FAF1: variants seen among roughly 807,000 people sequenced by gnomAD.
The protein encoded by FAF1 is Fas associated factor 1.
Under a neutral mutation model 92.5 loss-of-function variants are expected in FAF1, and 25 were observed. The ratio of observed to expected loss-of-function variants is 0.27; its 90% confidence interval spans 0.20 to 0.38. The LOEUF (loss-of-function observed/expected upper bound fraction) is 0.38. Ranked by LOEUF, FAF1 falls within the 10% of genes least tolerant of loss-of-function variation. FAF1 has a pLI of 1.00. For missense variants in FAF1, 636 were observed against 793.3 expected, an observed-to-expected ratio of 0.80 and a Z score of 2.38; for synonymous variants, 234 against 273.2, an observed-to-expected ratio of 0.86 and a Z score of 1.42.
intron 5 of FAF1, among the ~76,000 whole-genome samples, chr1:50,741,495 T>C (rs1237237121): frequency 1.3e-5 from 2 of 152,204 alleles, no homozygotes; most frequent in East Asian, 3.8e-4. Flanking sequence ...TATAATTCAA[T>C]TTATGTTTTT....
At chr1:50,909,077 C>T (rs1248933806) in intron 1 of FAF1, among the ~76,000 whole-genome samples, 1 of 152,164 alleles carries the variant, frequency 6.6e-6, no homozygotes, top group Non-Finnish European at 1.5e-5. Context: ...CTGGTGGTAA[C>T]AAAATCTCTC....
chr1:50,820,399 A>T (rs1003655993), intron 2 of FAF1, among the ~76,000 whole-genome samples: 5 of 152,138 alleles, frequency 3.3e-5, no homozygotes, highest in Admixed American at 1.3e-4. Context: ...TGATGATTTG[A>T]TATATGTATA....
chr1:50,835,816 A>T (rs1007076180), intron 2 of FAF1, among the ~76,000 whole-genome samples: 1 of 152,128 alleles, frequency 6.6e-6, no homozygotes, highest in Non-Finnish European at 1.5e-5. Flanking sequence ...TAATTGTAGG[A>T]TGGCTTCCAG....
intron 6 of FAF1, among the ~76,000 whole-genome samples, chr1:50,714,673 A>G (rs1658099880): frequency 6.6e-6 from 1 of 152,184 alleles, no homozygotes; most frequent in Non-Finnish European, 1.5e-5. Flanking sequence ...AGTCCCAGCC[A>G]CTCAAGAGAC....
At chr1:50,486,974 T>G (rs1286112691) in intron 17 of FAF1, among the ~76,000 whole-genome samples, 1 of 152,104 alleles carries the variant, frequency 6.6e-6, no homozygotes, top group Non-Finnish European at 1.5e-5. Context: ...AATGTAGTAT[T>G]TGGGCCTTTG....
chr1:50,553,998 A>G (rs1426224303), intron 13 of FAF1, among the ~76,000 whole-genome samples: 1 of 151,946 alleles, frequency 6.6e-6, no homozygotes, highest in Non-Finnish European at 1.5e-5. Flanking sequence ...ATAGAAAAAA[A>G]GGCCTGGGTG....
intron 14 of FAF1, among the ~76,000 whole-genome samples, chr1:50,537,883 A>G (rs1249647515): frequency 6.6e-6 from 1 of 152,180 alleles, no homozygotes; most frequent in Admixed American, 6.6e-5. Flanking sequence ...GTTCTTTGAT[A>G]ATACACTTAA....
intron 3 of FAF1, among the ~76,000 whole-genome samples, chr1:50,794,397 C>T (rs1391113192): frequency 6.6e-6 from 1 of 152,186 alleles, no homozygotes; most frequent in Non-Finnish European, 1.5e-5. Context: ...GAAAGAAAAG[C>T]CCCCCACTGG....
chr1:50,955,643 T>C (rs1295728128), intron 1 of FAF1, among the ~76,000 whole-genome samples: 1 of 152,190 alleles, frequency 6.6e-6, no homozygotes, highest in Non-Finnish European at 1.5e-5. Flanking sequence ...TGGGTATATA[T>C]GCAAAAGAAT....
chr1:50,694,846 C>T (rs1657117333), intron 7 of FAF1, among the ~76,000 whole-genome samples: 1 of 151,144 alleles, frequency 6.6e-6, no homozygotes, highest in Non-Finnish European at 1.5e-5. Flanking sequence ...ACCTGTAGTC[C>T]CAGCTACTCG....
intron 1 of FAF1, among the ~76,000 whole-genome samples, chr1:50,890,249 G>A (rs1354299744): frequency 2.0e-5 from 3 of 152,064 alleles, no homozygotes; most frequent in Non-Finnish European, 4.4e-5. Flanking sequence ...TTGACCCTAT[G>A]TGTGTCTCTG....
intron 13 of FAF1, among the ~76,000 whole-genome samples, chr1:50,561,928 C>G (rs753757102): frequency 1.3e-5 from 2 of 151,884 alleles, no homozygotes; most frequent in African/African-American, 4.8e-5. Flanking sequence ...ACAGACATAG[C>G]TCCCTCAGGG....
intron 9 of FAF1, 39 bp from the exon 10 acceptor site, chr1:50,584,850 T>G: frequency 6.3e-7 from 1 of 1,598,184 alleles, no homozygotes; most frequent in Non-Finnish European, 8.5e-7. Context: ...ATATTGATTT[T>G]GGCCTATCAA....
intron 8 of FAF1, among the ~76,000 whole-genome samples, chr1:50,641,992 C>A (rs761145722): frequency 4.6e-5 from 7 of 151,764 alleles, no homozygotes; most frequent in Non-Finnish European, 7.4e-5. Context: ...AGCCTGAGAT[C>A]AGGAGTTCAA....
chr1:50,841,920 T>C lies in FAF1; in HGVS notation c.114+16009A>G, dbSNP rs543076046. On this transcript the variant is annotated intron_variant, in intron 2 of 18. Coordinates refer to ENST00000396153, the MANE Select transcript of FAF1 (RefSeq NM_007051.3). ...AACCTTCATACCAGTTGCTAAGCAA[T>C]AGCTGCCTAAGTGCTGGACTGTTAT... is the stretch of plus-strand genomic sequence containing the variant. Among the ~76,000 whole-genome samples, 7 of 152,178 alleles carry C rather than the reference T, an allele frequency of 4.6e-5. No individual in the cohort carries two copies. In the South Asian group the frequency reaches 1.5e-3, roughly 32 times the overall value.
chr1:50,720,347 G>A (rs1018917274), intron 6 of FAF1, among the ~76,000 whole-genome samples: 9 of 152,090 alleles, frequency 5.9e-5, no homozygotes, highest in African/African-American at 2.2e-4. Flanking sequence ...ATCTAACAAT[G>A]ATGCTCACTA....
At chr1:50,566,708 A>G (rs1016902388) in intron 13 of FAF1, among the ~76,000 whole-genome samples, 4 of 152,052 alleles carry the variant, frequency 2.6e-5, no homozygotes, top group African/African-American at 7.2e-5. Flanking sequence ...TGAAGTTATT[A>G]AAAAATAAAC....
rs542408935 is a variant in FAF1 at position 50,583,574 on chromosome 1, T to C, written c.1031+78A>G. On this transcript the variant is annotated intron_variant, in intron 11 of 18. Transcript: ENST00000396153. This position sits in a 1 kb window ranked among gnomAD's most constrained non-coding sequence, Gnocchi z 4.2. ...CTTTAAGGAGAAACTTTAAACAATC[T>C]ATAATTAAAATTGCCCAAGAAAAAT... The C allele has an allele frequency of 2.3e-5, 19 of 841,970 alleles. No individual in the cohort carries two copies. The Admixed American group carries it at 4.4e-4, about 19-fold the overall frequency. The allele number at this position is 841,970 out of a possible 1,614,324, so 52.2% of individuals were successfully genotyped here.
At chr1:50,901,114 G>C (rs1644793068) in intron 1 of FAF1, among the ~76,000 whole-genome samples, 1 of 152,084 alleles carries the variant, frequency 6.6e-6, no homozygotes, top group Non-Finnish European at 1.5e-5. Context: ...AATAACATCT[G>C]TATGAAAATA....
Sources: gnomAD v4.1 joint callset for allele counts (sites outside exome capture counted in the v4.1 genomes callset) on GRCh38, gnomAD v4.1.1 for gene constraint, Gnocchi (gnomAD v3.1) non-coding constraint, MANE v1.5 for transcripts, NCBI Gene and HGNC (gene_info 2026-07-23, HGNC 2026-07-21) for gene names.